PTCD2: variants seen among roughly 807,000 people sequenced by gnomAD.
PTCD2 encodes pentatricopeptide repeat domain 2.
A neutral mutation model predicts 42.6 loss-of-function variants in PTCD2; 31 were observed. That is an observed-to-expected ratio of 0.73 (90% CI 0.55 to 0.98). The LOEUF (loss-of-function observed/expected upper bound fraction) is 0.98, where lower values mean the gene tolerates loss of function less well. Among genes scored for constraint, PTCD2 ranks in the 50% least tolerant of loss-of-function variants. The probability of loss-of-function intolerance (pLI) is 0.00; values close to 1 mark genes in which losing one functional copy is unlikely to be tolerated. For missense variants in PTCD2, 476 were observed against 454.8 expected (o/e 1.05, Z -0.42); for synonymous variants, 183 against 170.9 (o/e 1.07, Z -0.55).
At position 72,335,886 on chromosome 5, in the gene PTCD2, G is replaced by T. The variant is rs1311276684; in HGVS notation, c.639+1G>T. On this transcript the variant is annotated splice_donor_variant, in intron 6 of 9. Transcript: ENST00000380639. LOFTEE classifies it high-confidence loss of function. ...TGCTTTTGCAATTTGCTACAAACTG[G>T]TAAGACTCTTTCCTCTTAACTTTGA... 2 of 1,584,292 alleles carry T rather than the reference G, an allele frequency of 1.3e-6. No individual in the cohort carries two copies. The highest frequency in any genetic ancestry group is 1.7e-6 in the Non-Finnish European group (2 of 1,153,116).
intron 6 of PTCD2, among the ~76,000 whole-genome samples, chr5:72,336,710 CAAAAAAAAAAA>C (rs57573366): frequency 1.2e-5 from 1 of 86,584 alleles, no homozygotes; most frequent in African/African-American, 4.5e-5. Context: ...GACTCTGTCT[CAAAAAAAAAAA>C]AAAAAAAAAG....
chr5:72,341,201 T>A (rs552974864), intron 7 of PTCD2, among the ~76,000 whole-genome samples: 2 of 152,026 alleles, frequency 1.3e-5, no homozygotes, highest in South Asian at 4.2e-4. Flanking sequence ...ATGTTGGCCA[T>A]GCCCAGCTGC....
intron 7 of PTCD2, among the ~76,000 whole-genome samples, chr5:72,340,751 T>G (rs60108308): frequency 0.17 from 26,444 of 151,908 alleles, 6,146 homozygotes; most frequent in African/African-American, 0.54. Context: ...GGTGACATTT[T>G]CTTTTCTTGA....
At position 72,326,548 on chromosome 5, in the gene PTCD2, A is replaced by G. The variant is rs1258838308; in HGVS notation, c.221-64A>G. 34 of 1,579,616 alleles carry G rather than the reference A, an allele frequency of 2.2e-5. 1 individual carries two copies. The South Asian group carries it at 3.4e-4, about 16-fold the overall frequency. On this transcript the variant is annotated intron_variant, in intron 2 of 9. Transcript: ENST00000380639. ...GGGGTTGGGCTTCCCCATCTTCCTG[A>G]GGTCAGACTCCTTATACTCTCAGTC...
In PTCD2 at chr5:72,365,675, A is replaced by T. The variant is rs912312898; in HGVS notation, c.*7248A>T. The T allele has an allele frequency of 6.6e-6, 1 of 152,182 alleles. No homozygotes were observed. Among genetic ancestry groups the T allele is most frequent in the Non-Finnish European group, 1.5e-5 (1 of 68,026 alleles). The allele number at this position is 152,182 out of a possible 1,614,324, so 9.4% of individuals were successfully genotyped here. On this transcript the variant is annotated 3_prime_UTR_variant, in exon 10 of 10. Transcript: ENST00000380639. Reference sequence around the variant, plus strand: ...TACTGGGTTGATGTCAGGTAGGGTGAGGAGTATGTTCCGGTTATAGCTGGT... The same window carrying T: ...TACTGGGTTGATGTCAGGTAGGGTGTGGAGTATGTTCCGGTTATAGCTGGT...
chr5:72,345,469 C>T (rs112398234), intron 8 of PTCD2, among the ~76,000 whole-genome samples: 10,078 of 152,052 alleles, frequency 0.066, 627 homozygotes, highest in African/African-American at 0.17. Context: ...AAGAAGATGA[C>T]GGGATTAAGA....
intron 3 of PTCD2, among the ~76,000 whole-genome samples, chr5:72,327,476 T>TA (rs1469947400): frequency 6.0e-5 from 9 of 150,950 alleles, no homozygotes. Context: ...TAAACTATTT[T>TA]TTTTTTTTTT....
At chr5:72,326,194 T>C (rs945459451) in intron 2 of PTCD2, among the ~76,000 whole-genome samples, 1 of 152,256 alleles carries the variant, frequency 6.6e-6, no homozygotes, top group Non-Finnish European at 1.5e-5. Flanking sequence ...CATTTGGTTC[T>C]CTGCCAGTTG....
Position 72,363,272 on chromosome 5 carries a change from A to G in PTCD2, c.*4845A>G, listed in dbSNP as rs564155537. On this transcript the variant is annotated 3_prime_UTR_variant, in exon 10 of 10. Transcript: ENST00000380639. ...CTCATCTTAAACCTGAACAGGCATCAGAATCACTTGGAGAGCTTGTTAAAA... is the reference window on the plus strand; with the variant it reads ...CTCATCTTAAACCTGAACAGGCATCGGAATCACTTGGAGAGCTTGTTAAAA... 6.6e-6 allele frequency: 1 copy of G among 152,378 alleles called. No individual in the cohort carries two copies. Among genetic ancestry groups the G allele is most frequent in the East Asian group, 1.9e-4 (1 of 5,192 alleles). 9.4% of individuals were successfully genotyped at this position (152,378 alleles called of 1,614,324 possible).
intron 8 of PTCD2, among the ~76,000 whole-genome samples, chr5:72,345,877 C>T (rs747680277): frequency 6.6e-6 from 1 of 152,114 alleles, no homozygotes; most frequent in Non-Finnish European, 1.5e-5. Flanking sequence ...AATCCTAGAA[C>T]CTAGTGAATA....
chr5:72,363,917 G>A lies in PTCD2; in HGVS notation c.*5490G>A, dbSNP rs1392135648. ...TTTCTACCTATAAATTTGATTCAGA[G>A]AAATTACACTTCATAGATAAACTAG... is the stretch of plus-strand genomic sequence containing the variant. On this transcript the variant is annotated 3_prime_UTR_variant, in exon 10 of 10. Transcript: ENST00000380639. The A allele has an allele frequency of 1.3e-5, 2 of 152,002 alleles. No individual in the cohort carries two copies. Among genetic ancestry groups the A allele is most frequent in the African/African-American group, 4.8e-5 (2 of 41,380 alleles). The allele number at this position is 152,002 out of a possible 1,614,324, so 9.4% of individuals were successfully genotyped here. A position where few individuals can be genotyped will look rare whatever the true frequency, so the allele number is the denominator to read the frequency against.
intron 4 of PTCD2, 89 bp downstream of exon 4, chr5:72,331,464 G>T: frequency 2.1e-6 from 2 of 967,148 alleles, no homozygotes; most frequent in Non-Finnish European, 3.3e-6. Context: ...TTATTCCTGG[G>T]TTAGATTTTC....
chr5:72,323,847 C>G (rs944325479), intron 2 of PTCD2, among the ~76,000 whole-genome samples: 1 of 152,022 alleles, frequency 6.6e-6, no homozygotes, highest in East Asian at 1.9e-4. Flanking sequence ...GATGGTCTCA[C>G]TGTGTTGAGG....
At chr5:72,331,184 T>C in intron 3 of PTCD2, 74 bp from the exon 4 acceptor site, 1 of 938,102 alleles carries the variant, frequency 1.1e-6, no homozygotes, top group Non-Finnish European at 1.8e-6. Flanking sequence ...CCTGGCACAG[T>C]ACCTGCCATA....
rs1753055960 is a variant in PTCD2, at chr5:72,360,019, T to C, written c.*1592T>C. ...AAGCAAGCAGATAGTGGCTGGCACA[T>C]AGTACATGCAATATGTTTGAAACTA... On this transcript the variant is annotated 3_prime_UTR_variant, in exon 10 of 10. Coordinates refer to ENST00000380639, the MANE Select transcript of PTCD2 (RefSeq NM_024754.5). 1.3e-5 allele frequency: 2 copies of C among 152,032 alleles called. No homozygotes were observed. The highest frequency in any genetic ancestry group is 4.8e-5 in the African/African-American group (2 of 41,394). The allele number at this position is 152,032 out of a possible 1,614,324, so 9.4% of individuals were successfully genotyped here. A position where few individuals can be genotyped will look rare whatever the true frequency, so the allele number is the denominator to read the frequency against.
At chr5:72,329,967 C>T (rs1424825032) in intron 3 of PTCD2, among the ~76,000 whole-genome samples, 1 of 149,058 alleles carries the variant, frequency 6.7e-6, no homozygotes. Context: ...GAGTCTCGCT[C>T]TGTCGCCCAG....
At chr5:72,328,625 T>G (rs934103503) in intron 3 of PTCD2, among the ~76,000 whole-genome samples, 1 of 152,206 alleles carries the variant, frequency 6.6e-6, no homozygotes, top group African/African-American at 2.4e-5. Flanking sequence ...TTGCATTTTT[T>G]TTTTTCACAG....
At chr5:72,331,603 C>T (rs776093780) in intron 4 of PTCD2, among the ~76,000 whole-genome samples, 10 of 152,108 alleles carry the variant, frequency 6.6e-5, no homozygotes, top group Admixed American at 1.3e-4. Flanking sequence ...GATGATCCTA[C>T]CTTGGATGTG....
rs1753174059 is a variant in PTCD2, at chr5:72,365,256, G to A, written c.*6829G>A. On this transcript the variant is annotated 3_prime_UTR_variant, in exon 10 of 10. Coordinates refer to ENST00000380639, the MANE Select transcript of PTCD2 (RefSeq NM_024754.5). Reference sequence around the variant, plus strand: ...CATCACGGTCTGTGAACTGGTCTGTGAACTGCGGGCCTGCCTGGAAATGCA... The same window carrying A: ...CATCACGGTCTGTGAACTGGTCTGTAAACTGCGGGCCTGCCTGGAAATGCA... The A allele has an allele frequency of 6.6e-6, 1 of 152,286 alleles. No homozygotes were observed. 9.4% of individuals were successfully genotyped at this position (152,286 alleles called of 1,614,324 possible). A position where few individuals can be genotyped will look rare whatever the true frequency, so the allele number is the denominator to read the frequency against.
Sources: gnomAD v4.1 joint callset for allele counts (sites outside exome capture counted in the v4.1 genomes callset) on GRCh38, gnomAD v4.1.1 for gene constraint, MANE v1.5 for transcripts, NCBI Gene and HGNC (gene_info 2026-07-23, HGNC 2026-07-21) for gene names.